The following NRF1 variants were observed in gnomAD, a reference collection of about 807,000 sequenced individuals.
NRF1 encodes nuclear respiratory factor 1.
A neutral mutation model predicts 58.5 loss-of-function variants in NRF1; 5 were observed. The ratio of observed to expected loss-of-function variants is 0.09; its 90% CI spans 0.04 to 0.18. The LOEUF (loss-of-function observed/expected upper bound fraction) is 0.18. Among genes scored for constraint, NRF1 ranks in the 10% least tolerant of loss-of-function variants. NRF1 has a pLI of 1.00. For synonymous variants in NRF1, 224 were observed against 246.7 expected (o/e 0.91, Z 0.86); for missense variants, 288 against 657.7 (o/e 0.44, Z 6.15).
chr7:129,677,317 A>G (rs781736192), intron 3 of NRF1, among the ~76,000 whole-genome samples: 1 of 152,136 alleles, frequency 6.6e-6, no homozygotes, highest in Non-Finnish European at 1.5e-5. Context: ...ATGCCTGGCC[A>G]GTTGTAATCT....
rs1320217579 is a variant in NRF1 at position 129,710,358 on chromosome 7, G to T, written c.766-16G>T. On this transcript the variant is annotated splice_polypyrimidine_tract_variant and intron_variant, in intron 6 of 10. Coordinates refer to ENST00000393232, the MANE Select transcript of NRF1 (RefSeq NM_005011.5). ...TCTTTGTGGCTTAATGTGCTTTTCC[G>T]GTCATTTGGTGACAGGTTTCATGGA... 9 of 1,613,368 alleles carry T rather than the reference G, an allele frequency of 5.6e-6. No homozygotes were observed.
At chr7:129,666,279 G>T (rs991101656) in intron 2 of NRF1, among the ~76,000 whole-genome samples, 1 of 152,100 alleles carries the variant, frequency 6.6e-6, no homozygotes, top group Non-Finnish European at 1.5e-5. Flanking sequence ...CTCCACTGGG[G>T]TAACCAGTAT....
chr7:129,736,292 T>A (rs1803709032), intron 10 of NRF1, among the ~76,000 whole-genome samples: 1 of 150,192 alleles, frequency 6.7e-6, no homozygotes, highest in Non-Finnish European at 1.5e-5. Context: ...TTTTTTTTTT[T>A]TTTTTGAGGC....
At chr7:129,680,392 C>G (rs138609262) in intron 4 of NRF1, among the ~76,000 whole-genome samples, 27 of 152,296 alleles carry the variant, frequency 1.8e-4, no homozygotes, top group Non-Finnish European at 3.4e-4. Context: ...TTGTCAGTCT[C>G]TCAAAATGGT....
chr7:129,682,316 A>G (rs1802334176), intron 4 of NRF1, among the ~76,000 whole-genome samples: 1 of 151,826 alleles, frequency 6.6e-6, no homozygotes, highest in Non-Finnish European at 1.5e-5. Flanking sequence ...AAAATTAGCC[A>G]GATGTGGTAG....
At chr7:129,636,771 C>G (rs969066367) in intron 1 of NRF1, among the ~76,000 whole-genome samples, 2 of 152,232 alleles carry the variant, frequency 1.3e-5, no homozygotes, top group Non-Finnish European at 2.9e-5. Context: ...TCGATAGATA[C>G]GTATGGCTAA....
chr7:129,674,360 G>A lies in NRF1; in HGVS notation c.338+2817G>A, dbSNP rs1325512654. On this transcript the variant is annotated intron_variant, in intron 3 of 10. Transcript: ENST00000393232. ...GTTTCTCAGTACATAAAAAAGTTGT[G>A]TTAACACTATACTCTGTTAAGTGTT... Among the ~76,000 whole-genome samples the A allele has an allele frequency of 5.9e-5, 9 of 151,300 alleles. No homozygotes were observed. The East Asian group carries it at 1.7e-3, about 29-fold the overall frequency.
chr7:129,655,368 A>G (rs769584163), intron 1 of NRF1, among the ~76,000 whole-genome samples: 22 of 152,248 alleles, frequency 1.4e-4, no homozygotes, highest in East Asian at 5.8e-4. Flanking sequence ...TACATCAACA[A>G]TCATGTCATC....
At chr7:129,647,271 C>G (rs1372234826) in intron 1 of NRF1, among the ~76,000 whole-genome samples, 2 of 152,124 alleles carry the variant, frequency 1.3e-5, no homozygotes, top group Non-Finnish European at 2.9e-5. Flanking sequence ...ACCTCGCGAT[C>G]TGCCCGCCTC....
chr7:129,659,224 G>A (rs1285299000), intron 2 of NRF1, among the ~76,000 whole-genome samples: 1 of 151,870 alleles, frequency 6.6e-6, no homozygotes, highest in Non-Finnish European at 1.5e-5. Context: ...GATTACAGGT[G>A]TGCGTCACCA....
At position 129,644,349 on chromosome 7, in the gene NRF1, G is replaced by A. The variant is rs916762232; in HGVS notation, c.-6-12997G>A. Among the ~76,000 whole-genome samples the A allele has an allele frequency of 2.1e-4, 32 of 152,130 alleles. No individual in the cohort carries two copies. In the East Asian group the frequency reaches 4.5e-3, roughly 21 times the overall value. On this transcript the variant is annotated intron_variant, in intron 1 of 10. Transcript: ENST00000393232. The stretch of plus-strand genomic sequence containing the variant: ...AACGTCTGTAGGGCAAGGACAAAAC[G>A]CTGACAATCTTTATTTCTGTCTCTA...
chr7:129,723,557 GTC>G (rs1020789273), intron 9 of NRF1, among the ~76,000 whole-genome samples: 1 of 151,986 alleles, frequency 6.6e-6, no homozygotes. Context: ...ATTCATTAAA[GTC>G]TCTCTAATAA....
chr7:129,677,589 G>A (rs368429305), intron 3 of NRF1, 43 bp from the exon 4 acceptor site: 98 of 1,603,018 alleles, frequency 6.1e-5, no homozygotes, highest in Admixed American at 1.8e-4. Flanking sequence ...TGTAATTTCC[G>A]TCTTTTTAAA....
intron 9 of NRF1, 26 bp from the exon 10 acceptor site, chr7:129,727,215 C>T: frequency 8.9e-6 from 14 of 1,564,404 alleles, no homozygotes; most frequent in Non-Finnish European, 1.0e-5. Flanking sequence ...TATTCATCAT[C>T]CTCTCTCCTG....
rs73159608 is a variant in NRF1 at position 129,620,729 on chromosome 7, A to G, written c.-7+8905A>G. On this transcript the variant is annotated intron_variant, in intron 1 of 10. Coordinates refer to ENST00000393232, the MANE Select transcript of NRF1 (RefSeq NM_005011.5). Reference sequence around the variant, plus strand: ...AAGGGAAAGTGTTTTGAAAGAAAACAAATTGATAGATTGTGCTTGTTGGAA... The same window carrying G: ...AAGGGAAAGTGTTTTGAAAGAAAACGAATTGATAGATTGTGCTTGTTGGAA... Among the ~76,000 whole-genome samples the G allele has an allele frequency of 6.7e-3, 1,014 of 152,372 alleles. 5 individuals are homozygous for G. The highest frequency in any genetic ancestry group is 0.011 in the Non-Finnish European group (766 of 68,038).
intron 10 of NRF1, among the ~76,000 whole-genome samples, chr7:129,754,459 T>G (rs1804199964): frequency 2.4e-4 from 1 of 4,150 alleles, no homozygotes; most frequent in Non-Finnish European, 5.4e-4. Context: ...CCAGACCCTG[T>G]CTCTTAAAAA....
intron 1 of NRF1, among the ~76,000 whole-genome samples, chr7:129,653,839 C>T (rs111475093): frequency 0.022 from 3,305 of 152,246 alleles, 119 homozygotes; most frequent in African/African-American, 0.073. Context: ...GAATGATATT[C>T]TATTGTCTGG....
intron 10 of NRF1, among the ~76,000 whole-genome samples, chr7:129,751,074 C>T (rs1584696534): frequency 6.6e-6 from 1 of 152,300 alleles, no homozygotes; most frequent in Non-Finnish European, 1.5e-5. Flanking sequence ...TCCAAGGAGC[C>T]TGTACAGGGA....
chr7:129,629,229 G>GA (rs1431887297), intron 1 of NRF1, among the ~76,000 whole-genome samples: 2 of 150,140 alleles, frequency 1.3e-5, no homozygotes, highest in East Asian at 1.9e-4. Flanking sequence ...TATTCCTTGT[G>GA]AAAAAAAGCA....
Sources: allele counts gnomAD v4.1 joint callset (sites outside exome capture counted in the v4.1 genomes callset), GRCh38; gene constraint gnomAD v4.1.1; transcripts MANE v1.5; gene names NCBI Gene and HGNC (gene_info 2026-07-23, HGNC 2026-07-21).